SLC4A4: variants seen among roughly 807,000 people sequenced by gnomAD.
SLC4A4 encodes solute carrier family 4 member 4.
SLC4A4 carries 27 observed loss-of-function variants against 111.5 expected under a neutral mutation model. That is an observed-to-expected ratio of 0.24 (90% CI 0.18 to 0.33). The LOEUF (loss-of-function observed/expected upper bound fraction) is 0.33. Ranked by LOEUF, SLC4A4 falls within the 10% of genes least tolerant of loss-of-function variation. SLC4A4 has a pLI of 1.00. For missense variants in SLC4A4, 909 were observed against 1,315.5 expected (o/e 0.69, Z 4.78); for synonymous variants, 443 against 463.4 (o/e 0.96, Z 0.57).
At chr4:71,408,295 G>C (rs1327939915) in intron 7 of SLC4A4, among the ~76,000 whole-genome samples, 1 of 152,086 alleles carries the variant, frequency 6.6e-6, no homozygotes, top group African/African-American at 2.4e-5. Context: ...TCAGTTTTCT[G>C]ATTCATAATA....
At chr4:71,160,834 A>G (rs774543789) in intron 2 of SLC4A4, among the ~76,000 whole-genome samples, 1 of 152,162 alleles carries the variant, frequency 6.6e-6, no homozygotes, top group Non-Finnish European at 1.5e-5. Context: ...GATTTGCACT[A>G]ATTTTTCTTT....
At chr4:71,254,583 C>G (rs1721303024) in intron 2 of SLC4A4, among the ~76,000 whole-genome samples, 1 of 151,588 alleles carries the variant, frequency 6.6e-6, no homozygotes, top group South Asian at 2.1e-4. Context: ...TTTCTAAAAT[C>G]TTTTCTCCAA....
Position 71,069,996 on chromosome 4 carries a change from C to T in SLC4A4, c.-65+7208C>T, listed in dbSNP as rs28687468. ...GATTTCCTGTCTCACAAATAACCCT[C>T]ATAAGTCTGTCTTTGGATTAGGCTA... On this transcript the variant is annotated intron_variant, in intron 1 of 26. Transcript: ENST00000649996. Among the ~76,000 whole-genome samples, 352 of 152,284 alleles carry T rather than the reference C, an allele frequency of 2.3e-3. 2 individuals are homozygous for T. Among genetic ancestry groups the T allele is most frequent in the African/African-American group, 7.9e-3 (328 of 41,564 alleles).
At chr4:71,379,502 TCTC>T (rs1294760502) in intron 6 of SLC4A4, among the ~76,000 whole-genome samples, 1 of 152,036 alleles carries the variant, frequency 6.6e-6, no homozygotes, top group Non-Finnish European at 1.5e-5. Flanking sequence ...ACTCTCATCA[TCTC>T]CTCCTCCTCC....
At chr4:71,181,417 T>G (rs1168594067) in intron 2 of SLC4A4, among the ~76,000 whole-genome samples, 1 of 152,168 alleles carries the variant, frequency 6.6e-6, no homozygotes, top group Non-Finnish European at 1.5e-5. Flanking sequence ...TTCCTCCCTA[T>G]GCCTGCTCTA....
intron 7 of SLC4A4, among the ~76,000 whole-genome samples, chr4:71,426,031 A>G (rs1256218362): frequency 6.6e-6 from 1 of 152,100 alleles, no homozygotes; most frequent in Non-Finnish European, 1.5e-5. Flanking sequence ...TATCAAAGGA[A>G]TATATTTTAG....
At chr4:71,513,687 A>G (rs1214759571) in intron 16 of SLC4A4, among the ~76,000 whole-genome samples, 2 of 152,120 alleles carry the variant, frequency 1.3e-5, no homozygotes, top group Non-Finnish European at 2.9e-5. Flanking sequence ...GTGAAAGTGG[A>G]TATCCTTGTC....
At chr4:71,201,803 TA>T (rs1746265286) in intron 1 of SLC4A4, among the ~76,000 whole-genome samples, 1 of 152,220 alleles carries the variant, frequency 6.6e-6, no homozygotes, top group Non-Finnish European at 1.5e-5. Flanking sequence ...TGATTTAACA[TA>T]TAATGTGTTT....
intron 16 of SLC4A4, among the ~76,000 whole-genome samples, chr4:71,511,148 C>T (rs1474690972): frequency 2.0e-5 from 3 of 152,094 alleles, no homozygotes; most frequent in African/African-American, 4.8e-5. Context: ...AAGTAATTTA[C>T]ACCTTACAAT....
intron 18 of SLC4A4, among the ~76,000 whole-genome samples, chr4:71,541,106 A>T (rs181396206): frequency 1.3e-5 from 2 of 152,274 alleles, no homozygotes; most frequent in Non-Finnish European, 1.5e-5. Context: ...GTCTTCAGGC[A>T]TTGCCAAACG....
intron 7 of SLC4A4, among the ~76,000 whole-genome samples, chr4:71,399,567 T>G (rs1720167646): frequency 6.7e-6 from 1 of 150,370 alleles, no homozygotes; most frequent in Non-Finnish European, 1.5e-5. Context: ...CTAGAAAAGC[T>G]GTTGGAATTG....
chr4:71,446,946 G>A (rs1725291653), intron 8 of SLC4A4, among the ~76,000 whole-genome samples: 1 of 152,238 alleles, frequency 6.6e-6, no homozygotes, highest in South Asian at 2.1e-4. Context: ...GTGGGGTTAA[G>A]TTTGTTATTG....
At chr4:71,078,698 C>T (rs1342591976) in intron 1 of SLC4A4, among the ~76,000 whole-genome samples, 1 of 152,152 alleles carries the variant, frequency 6.6e-6, no homozygotes, top group East Asian at 1.9e-4. Flanking sequence ...AGAACCCCAT[C>T]TGAGTGCTAG....
rs368164417 is a variant in SLC4A4, at chr4:71,165,528, G to A, written c.-1-71048G>A. On this transcript the variant is annotated intron_variant, in intron 2 of 26. Coordinates refer to the SLC4A4 transcript ENST00000649996. ...AGAGAACACATGGACACAGGGAGGC[G>A]AACTTCACACATTGGGGCCTGTCAG... Among the ~76,000 whole-genome samples the A allele has an allele frequency of 2.3e-4, 35 of 152,088 alleles. No individual in the cohort carries two copies. In the East Asian group the frequency reaches 5.6e-3, roughly 24 times the overall value.
chr4:71,499,074 A>T (rs1306779671), intron 16 of SLC4A4, among the ~76,000 whole-genome samples: 4 of 150,260 alleles, frequency 2.7e-5, no homozygotes, highest in Admixed American at 6.6e-5. Flanking sequence ...TTTGAGGACA[A>T]TTTTTTTTTT....
intron 2 of SLC4A4, among the ~76,000 whole-genome samples, chr4:71,242,102 A>G (rs192578056): frequency 3.9e-5 from 6 of 152,330 alleles, no homozygotes; most frequent in Admixed American, 2.0e-4. Flanking sequence ...GAATTTTCCA[A>G]CTGCAGAGAA....
chr4:71,198,309 A>G (rs946660110), intron 1 of SLC4A4, among the ~76,000 whole-genome samples: 13 of 152,236 alleles, frequency 8.5e-5, no homozygotes, highest in African/African-American at 3.1e-4. Context: ...ACTCCTTAAT[A>G]TATTGATAAA....
intron 6 of SLC4A4, among the ~76,000 whole-genome samples, chr4:71,389,736 G>T (rs974228693): frequency 6.6e-6 from 1 of 152,142 alleles, no homozygotes; most frequent in Non-Finnish European, 1.5e-5. Flanking sequence ...ACTCCAAATG[G>T]AGGTAAAATG....
At chr4:71,489,056 A>G (rs1729671363) in intron 15 of SLC4A4, among the ~76,000 whole-genome samples, 1 of 151,768 alleles carries the variant, frequency 6.6e-6, no homozygotes. Context: ...AGTTTTAAAT[A>G]TGATTTATTA....
Sources: gnomAD v4.1 joint callset for allele counts (sites outside exome capture counted in the v4.1 genomes callset) on GRCh38, gnomAD v4.1.1 for gene constraint, MANE v1.5 for transcripts, NCBI Gene and HGNC (gene_info 2026-07-23, HGNC 2026-07-21) for gene names.